The following LMO7 variants were observed in gnomAD, a reference collection of about 807,000 sequenced individuals.
LMO7 encodes the protein LIM domain 7.
In LMO7, 120 loss-of-function variants were observed where a neutral mutation model predicts 206.5. The ratio of observed to expected loss-of-function variants is 0.58; its 90% CI spans 0.50 to 0.68. The LOEUF (loss-of-function observed/expected upper bound fraction) is 0.68, where lower values mean the gene tolerates loss of function less well. Ranked by LOEUF, LMO7 falls within the 30% of genes least tolerant of loss-of-function variation. LMO7 has a pLI of 0.00. For synonymous variants in LMO7, 706 were observed against 681.5 expected, an observed-to-expected ratio of 1.04 and a Z score of -0.56; for missense variants, 1,959 against 1,957.9, an observed-to-expected ratio of 1.00 and a Z score of -0.01.
intron 14 of LMO7, 125 bp from the exon 15 acceptor site, chr13:75,823,440 C>A: frequency 1.4e-6 from 1 of 732,682 alleles, no homozygotes; most frequent in Non-Finnish European, 2.2e-6. Context: ...AAGCTTTTAG[C>A]AATAGTTATG....
intron 1 of LMO7, among the ~76,000 whole-genome samples, chr13:75,640,658 T>G (rs1194158416): frequency 6.6e-6 from 1 of 152,264 alleles, no homozygotes; most frequent in Non-Finnish European, 1.5e-5. Flanking sequence ...TCTTATTTAT[T>G]GCTTGAGTGT....
intron 3 of LMO7, among the ~76,000 whole-genome samples, chr13:75,729,440 G>T (rs1265369858): frequency 6.7e-6 from 1 of 148,162 alleles, no homozygotes; most frequent in African/African-American, 2.5e-5. Flanking sequence ...TCTGTTATTG[G>T]TGTATAAGAA....
intron 30 of LMO7, chr13:75,856,842 C>T: frequency 2.5e-6 from 1 of 394,204 alleles, no homozygotes. Flanking sequence ...GGAACAGTGT[C>T]CAAAAGTCAG....
intron 15 of LMO7, among the ~76,000 whole-genome samples, chr13:75,826,998 C>T (rs1003963373): frequency 6.6e-6 from 1 of 152,156 alleles, no homozygotes; most frequent in African/African-American, 2.4e-5. Context: ...TTCTCAAAAG[C>T]CCAGGAGGAC....
intron 25 of LMO7, 80 bp from the exon 26 acceptor site, chr13:75,845,247 C>T (rs1337960093): frequency 5.7e-5 from 38 of 670,112 alleles, no homozygotes; most frequent in Non-Finnish European, 8.7e-5. Context: ...AAAAAGCAAT[C>T]TCTTCGGTGT....
chr13:75,656,685 G>C (rs2038088862), intron 1 of LMO7, among the ~76,000 whole-genome samples: 1 of 152,130 alleles, frequency 6.6e-6, no homozygotes, highest in African/African-American at 2.4e-5. Flanking sequence ...TAGCCAACAA[G>C]TTTCATGTGG....
chr13:75,728,107 A>T (rs1403105037), intron 3 of LMO7, among the ~76,000 whole-genome samples: 2 of 152,170 alleles, frequency 1.3e-5, no homozygotes, highest in East Asian at 3.9e-4. Flanking sequence ...TCTTTATAGC[A>T]GCATGATTTA....
chr13:75,685,118 G>A (rs2040863941), intron 1 of LMO7, among the ~76,000 whole-genome samples: 1 of 152,124 alleles, frequency 6.6e-6, no homozygotes, highest in Non-Finnish European at 1.5e-5. Flanking sequence ...TTATCATCTA[G>A]GTGATTTTCC....
chr13:75,825,996 C>A (rs2058078934), intron 15 of LMO7, among the ~76,000 whole-genome samples: 1 of 151,900 alleles, frequency 6.6e-6, no homozygotes, highest in Non-Finnish European at 1.5e-5. Flanking sequence ...CCAGACTCCC[C>A]CTTGATGTTA....
chr13:75,709,011 T>C (rs1257908735), intron 1 of LMO7, among the ~76,000 whole-genome samples: 11 of 151,722 alleles, frequency 7.3e-5, no homozygotes, highest in Non-Finnish European at 1.3e-4. Context: ...TGTGTTCTCA[T>C]TGTTCAGTTC....
chr13:75,694,188 T>G (rs1315036370), intron 1 of LMO7, among the ~76,000 whole-genome samples: 2 of 152,330 alleles, frequency 1.3e-5, no homozygotes, highest in East Asian at 3.9e-4. Flanking sequence ...GTGTAACTAC[T>G]GACTTAGTCT....
In LMO7 at chr13:75,823,997, T is replaced by C. The variant is rs966832894; in HGVS notation, c.2949+124T>C. On this transcript the variant is annotated intron_variant, in intron 15 of 30. Transcript: ENST00000377534. ...GGGCTGAAAATGTGCAAAATGATAT[T>C]CTGGTTTACTTTGAACAGATCTTGG... 4.0e-6 allele frequency: 3 copies of C among 750,216 alleles called. No homozygotes were observed. The African/African-American group carries it at 5.3e-5, about 13-fold the overall frequency. 46.5% of individuals were successfully genotyped at this position (750,216 alleles called of 1,614,324 possible). A position where few individuals can be genotyped will look rare whatever the true frequency, so the allele number is the denominator to read the frequency against.
chr13:75,789,532 T>C (rs1285779460), intron 4 of LMO7, among the ~76,000 whole-genome samples: 1 of 152,182 alleles, frequency 6.6e-6, no homozygotes, highest in Non-Finnish European at 1.5e-5. Context: ...TCTGCGGAGC[T>C]GGTTCTGTGA....
intron 15 of LMO7, among the ~76,000 whole-genome samples, chr13:75,826,588 A>G (rs1014629050): frequency 6.6e-6 from 1 of 152,206 alleles, no homozygotes; most frequent in Non-Finnish European, 1.5e-5. Flanking sequence ...GCGCAGTCAC[A>G]GCTGAAGTTA....
chr13:75,823,577 T>G lies in LMO7; in HGVS notation c.2653T>G (p.Trp885Gly). The change falls in exon 15 of 31, where the codon TGG becomes GGG. Residue 885 changes from tryptophan (W) to glycine (G), a missense_variant. By Grantham distance (184) the Trp-to-Gly change is radical (BLOSUM62 -2). Transcript: ENST00000377534. ...TTTTCTTATTTAGATGGATGATGCTTGGAAGTATAATGGAGATGTTGAAGA... is the reference window on the plus strand; with the variant it reads ...TTTTCTTATTTAGATGGATGATGCTGGGAAGTATAATGGAGATGTTGAAGA... ...LPRSYTMDDAWKYNGDVEDIK... is the reference protein window; with the variant it reads ...LPRSYTMDDAGKYNGDVEDIK... 1.2e-6 allele frequency: 2 copies of G among 1,606,956 alleles called. No individual in the cohort carries two copies. The highest frequency in any genetic ancestry group is 1.7e-6 in the Non-Finnish European group (2 of 1,173,884).
intron 13 of LMO7, among the ~76,000 whole-genome samples, chr13:75,820,282 A>G (rs990606441): frequency 6.6e-6 from 1 of 152,242 alleles, no homozygotes; most frequent in African/African-American, 2.4e-5. Flanking sequence ...AGGGTGTTTT[A>G]TGAACCTTTC....
At chr13:75,687,317 GA>G (rs948610465) in intron 1 of LMO7, among the ~76,000 whole-genome samples, 1 of 152,040 alleles carries the variant, frequency 6.6e-6, no homozygotes, top group African/African-American at 2.4e-5. Context: ...GGTAAGTTTT[GA>G]AGGAAAAAAC....
intron 4 of LMO7, among the ~76,000 whole-genome samples, chr13:75,763,413 C>G (rs1181949777): frequency 6.6e-6 from 1 of 152,130 alleles, no homozygotes; most frequent in African/African-American, 2.4e-5. Flanking sequence ...ACTATGACAC[C>G]TTTGACACTC....
rs751363782 is a variant in LMO7 at position 75,817,127 on chromosome 13, A to G, written c.1947-34A>G. Reference sequence around the variant, plus strand: ...TTAACCCCTAAGTCTGGTCATGTGAACTTCCGTAGTAACCATGAGTCTTTT... The same window carrying G: ...TTAACCCCTAAGTCTGGTCATGTGAGCTTCCGTAGTAACCATGAGTCTTTT... On this transcript the variant is annotated intron_variant, in intron 11 of 30. Coordinates refer to ENST00000377534, the MANE Select transcript of LMO7 (RefSeq NM_001306080.2). 4.7e-6 allele frequency: 7 copies of G among 1,494,666 alleles called. No individual in the cohort carries two copies. The African/African-American group carries it at 8.3e-5, about 18-fold the overall frequency. 92.6% of individuals were successfully genotyped at this position (1,494,666 alleles called of 1,614,324 possible).
Sources: gnomAD v4.1 joint callset for allele counts (sites outside exome capture counted in the v4.1 genomes callset) on GRCh38, gnomAD v4.1.1 for gene constraint, MANE v1.5 for transcripts, NCBI Gene and HGNC (gene_info 2026-07-23, HGNC 2026-07-21) for gene names.